Variants in TYW1B observed in about 807,000 individuals in gnomAD.
TYW1B encodes the protein S-adenosyl-L-methionine-dependent tRNA 4-demethylwyosine synthase TYW1B.
TYW1B carries 73 observed loss-of-function variants against 86.9 expected under a neutral mutation model. The observed-to-expected ratio is 0.84, with a 90% CI of 0.70 to 1.02. The LOEUF (loss-of-function observed/expected upper bound fraction) is 1.02, where lower values mean the gene tolerates loss of function less well. TYW1B is among the 50% of genes least tolerant of loss of function. The probability of loss-of-function intolerance (pLI) is 0.00; values close to 1 mark genes in which losing one functional copy is unlikely to be tolerated. For missense variants in TYW1B, 637 were observed against 827.4 expected, an observed-to-expected ratio of 0.77 and a Z score of 2.82; for synonymous variants, 248 against 292.8, an observed-to-expected ratio of 0.85 and a Z score of 1.56.
chr7:72,745,942 G>A (rs549026813), intron 7 of TYW1B, among the ~76,000 whole-genome samples: 1 of 150,834 alleles, frequency 6.6e-6, no homozygotes, highest in South Asian at 2.1e-4. Flanking sequence ...TTGACTCACT[G>A]CACCCTCTGC....
chr7:72,763,969 T>G (rs996924612), intron 7 of TYW1B, among the ~76,000 whole-genome samples: 17 of 152,236 alleles, frequency 1.1e-4, no homozygotes, highest in African/African-American at 4.1e-4. Context: ...GTATATAAAT[T>G]CATTAAAATA....
chr7:72,730,680 G>A (rs1229360283), intron 8 of TYW1B, among the ~76,000 whole-genome samples: 2 of 151,592 alleles, frequency 1.3e-5, no homozygotes, highest in African/African-American at 4.8e-5. Flanking sequence ...GGATAGAGGA[G>A]AGAGGAGGAG....
intron 11 of TYW1B, among the ~76,000 whole-genome samples, chr7:72,635,609 T>A (rs1812648537): frequency 6.6e-6 from 1 of 152,212 alleles, no homozygotes; most frequent in Non-Finnish European, 1.5e-5. Context: ...ATGTCGTCCT[T>A]CTGAAAGAGT....
At chr7:72,602,831 AAAACACACAC>A (rs1811697073) in intron 13 of TYW1B, among the ~76,000 whole-genome samples, 3 of 101,074 alleles carry the variant, frequency 3.0e-5, no homozygotes, top group East Asian at 5.5e-4. Flanking sequence ...GAAAGTGCTC[AAAACACACAC>A]ACACACACAC....
chr7:72,619,540 C>G (rs1359232530), intron 12 of TYW1B, among the ~76,000 whole-genome samples: 2 of 150,380 alleles, frequency 1.3e-5, no homozygotes, highest in African/African-American at 4.9e-5. Context: ...ACTCGGGAGG[C>G]TGAGGCAGGA....
At chr7:72,579,073 TTACA>T (rs1470175700) in intron 13 of TYW1B, among the ~76,000 whole-genome samples, 1 of 152,082 alleles carries the variant, frequency 6.6e-6, no homozygotes, top group African/African-American at 2.4e-5. Flanking sequence ...TTAACCATAC[TTACA>T]GTCAAAAATA....
At chr7:72,674,084 C>T (rs562399233) in intron 11 of TYW1B, among the ~76,000 whole-genome samples, 4 of 152,154 alleles carry the variant, frequency 2.6e-5, no homozygotes, top group Admixed American at 1.3e-4. Flanking sequence ...ACTGCCTAGG[C>T]TTCATAGGGG....
chr7:72,804,224 G>C (rs1788454729), intron 5 of TYW1B, among the ~76,000 whole-genome samples: 1 of 150,776 alleles, frequency 6.6e-6, no homozygotes, highest in South Asian at 2.1e-4. Context: ...GGTGGAGGTT[G>C]CAGTGAGCTG....
intron 12 of TYW1B, 54 bp from the exon 13 acceptor site, chr7:72,616,893 A>G: frequency 1.3e-6 from 2 of 1,598,384 alleles, no homozygotes; most frequent in South Asian, 1.1e-5. Flanking sequence ...TGCATGTCAT[A>G]GAAGACTTTC....
At chr7:72,796,494 C>G (rs1788307467) in intron 6 of TYW1B, among the ~76,000 whole-genome samples, 1 of 151,160 alleles carries the variant, frequency 6.6e-6, no homozygotes, top group Admixed American at 6.6e-5. Context: ...CCTCGGTCTC[C>G]CAAAGTGCTG....
chr7:72,753,693 C>A (rs1252913901), intron 7 of TYW1B, among the ~76,000 whole-genome samples: 4 of 152,056 alleles, frequency 2.6e-5, no homozygotes, highest in African/African-American at 9.7e-5. Context: ...CTTGGCCAGG[C>A]TGGTCTTGAA....
intron 11 of TYW1B, among the ~76,000 whole-genome samples, chr7:72,646,821 T>C: frequency 6.6e-6 from 1 of 152,250 alleles, no homozygotes; most frequent in Non-Finnish European, 1.5e-5. Flanking sequence ...CTGATGGTTG[T>C]CAAAGCTAAG....
chr7:72,749,013 T>A (rs1333842824), intron 7 of TYW1B, among the ~76,000 whole-genome samples: 2 of 152,158 alleles, frequency 1.3e-5, no homozygotes, highest in African/African-American at 4.8e-5. Context: ...GCATTAATTC[T>A]TCATTAAATA....
chr7:72,805,948 C>G (rs1788486288), intron 5 of TYW1B, among the ~76,000 whole-genome samples: 1 of 151,882 alleles, frequency 6.6e-6, no homozygotes, highest in African/African-American at 2.4e-5. Flanking sequence ...AGCCTGAAGA[C>G]AGGAGCTTCA....
intron 13 of TYW1B, among the ~76,000 whole-genome samples, chr7:72,588,147 C>T (rs532068277): frequency 6.6e-6 from 1 of 152,352 alleles, no homozygotes; most frequent in Non-Finnish European, 1.5e-5. Context: ...GTAGGATTCA[C>T]ATGGTAACAG....
intron 7 of TYW1B, among the ~76,000 whole-genome samples, chr7:72,749,903 G>GTTTT (rs1279759217): frequency 2.7e-5 from 2 of 74,980 alleles, no homozygotes; most frequent in African/African-American, 4.5e-5. Context: ...TTCTATGTTG[G>GTTTT]TTTTTTTTGT....
intron 9 of TYW1B, among the ~76,000 whole-genome samples, chr7:72,714,088 A>T (rs1217787947): frequency 1.3e-5 from 2 of 152,012 alleles, no homozygotes; most frequent in African/African-American, 2.4e-5. Context: ...TAATTTGCTT[A>T]GCTTTGCATT....
At chr7:72,757,952 C>T (rs1358706528) in intron 7 of TYW1B, among the ~76,000 whole-genome samples, 3 of 152,046 alleles carry the variant, frequency 2.0e-5, no homozygotes, top group Non-Finnish European at 4.4e-5. Context: ...GTAGGCCGGG[C>T]GTGGTGGCTC....
At chr7:72,816,623 A>G (rs1788728256) in intron 2 of TYW1B, among the ~76,000 whole-genome samples, 1 of 152,156 alleles carries the variant, frequency 6.6e-6, no homozygotes, top group Non-Finnish European at 1.5e-5. Flanking sequence ...ATTGCCAGAG[A>G]AACTGATGAG....
Sources: allele counts gnomAD v4.1 joint callset (sites outside exome capture counted in the v4.1 genomes callset), GRCh38; gene constraint gnomAD v4.1.1; transcripts MANE v1.5; gene names NCBI Gene and HGNC (gene_info 2026-07-23, HGNC 2026-07-21).